The following NOTCH4 variants were observed in gnomAD, a reference collection of about 807,000 sequenced individuals.
The protein encoded by NOTCH4 is notch receptor 4.
Under a neutral mutation model 189.0 loss-of-function variants are expected in NOTCH4, and 138 were observed. The observed-to-expected ratio is 0.73, with a 90% CI of 0.64 to 0.84. NOTCH4 has a LOEUF of 0.84. NOTCH4 is among the 40% of genes least tolerant of loss of function. NOTCH4 has a pLI of 0.00. For missense variants in NOTCH4, 2,286 were observed against 2,605.4 expected, an observed-to-expected ratio of 0.88 and a Z score of 2.67; for synonymous variants, 942 against 1,032.8, an observed-to-expected ratio of 0.91 and a Z score of 1.69.
In NOTCH4 at chr6:32,198,407, G is replaced by A; in HGVS notation, c.4756+14C>T. ...ACTTTTTTTTTTTTTCTTGGTCTGG[G>A]TTGACTCACATACCAGGTCCACGGG... is the stretch of plus-strand genomic sequence containing the variant. On this transcript the variant is annotated intron_variant, in intron 26 of 29. Transcript: ENST00000375023. The surrounding 1 kb of genome is among the most constrained non-coding windows in gnomAD (Gnocchi z 5.5). 2.5e-6 allele frequency: 4 copies of A among 1,601,298 alleles called. No individual in the cohort carries two copies. Among genetic ancestry groups the A allele is most frequent in the Non-Finnish European group, 3.4e-6 (4 of 1,175,878 alleles).
At chr6:32,207,546 C>G (rs1028248947) in intron 18 of NOTCH4, among the ~76,000 whole-genome samples, 4 of 150,978 alleles carry the variant, frequency 2.6e-5, no homozygotes, top group African/African-American at 9.7e-5. Context: ...ATCAGTTGAA[C>G]TTGGGAGGTG....
Position 32,222,751 on chromosome 6 carries a change from C to T in NOTCH4, c.211G>A (p.Ala71Thr), listed in dbSNP as rs376223837. 6.1e-5 allele frequency: 99 copies of T among 1,612,432 alleles called. No individual in the cohort carries two copies. Among genetic ancestry groups the T allele is most frequent in the African/African-American group, 2.5e-4 (19 of 74,896 alleles). ...TCQFPDPCQN[A>T]QLCQNGGSCQ... ...CTGCCTCCATTTTGGCAGAGCTGGG[C>T]GTTCTGGCAGGGGTCAGGAAACTGG... is the stretch of plus-strand genomic sequence containing the variant. Residue 71 changes from alanine to threonine, a missense_variant, in exon 3 of 30, where the codon GCC becomes ACC. Around this residue, in one of 2 missense-constraint regions of NOTCH4, gnomAD observed 1,903 missense variants for 2,261.9 expected, o/e 0.84. Transcript: ENST00000375023.
In NOTCH4 at chr6:32,218,006, A is replaced by G; in HGVS notation, c.1613T>C (p.Ile538Thr). Residue 538 changes from isoleucine (I) to threonine (T), a missense_variant, in exon 9 of 30, where the codon ATC becomes ACC. Around this residue, in one of 2 missense-constraint regions of NOTCH4, gnomAD observed 1,903 missense variants for 2,261.9 expected, o/e 0.84. Coordinates refer to ENST00000375023, the MANE Select transcript of NOTCH4 (RefSeq NM_004557.4). ...GCATCTGTACTCACCAGGCAGGCAGATGCACTGGAAGCCGTTGAGCAGGTC... is the reference window on the plus strand; with the variant it reads ...GCATCTGTACTCACCAGGCAGGCAGGTGCACTGGAAGCCGTTGAGCAGGTC... ...CHDLLNGFQC[I>T]CLPGFSGTRC... is the part of the protein sequence containing the mutation. The G allele has an allele frequency of 1.2e-6, 2 of 1,611,974 alleles. No individual in the cohort carries two copies. The highest frequency in any genetic ancestry group is 8.5e-7 in the Non-Finnish European group (1 of 1,178,122).
intron 18 of NOTCH4, among the ~76,000 whole-genome samples, chr6:32,207,641 A>C (rs1788769632): frequency 7.2e-6 from 1 of 138,650 alleles, no homozygotes; most frequent in Non-Finnish European, 1.6e-5. Flanking sequence ...CCCCCCCCCA[A>C]AAAAAAAGAA....
At position 32,216,957 on chromosome 6, in the gene NOTCH4, AG is replaced by A; in HGVS notation, c.1848del (p.Ser617LeufsTer76). 6.2e-7 allele frequency: 1 copy of A among 1,613,144 alleles called. No individual in the cohort carries two copies. Among genetic ancestry groups the A allele is most frequent in the Non-Finnish European group, 8.5e-7 (1 of 1,180,042 alleles). On this transcript the variant is annotated frameshift_variant, in exon 11 of 30. Transcript: ENST00000375023. LOFTEE classifies it high-confidence loss of function. ...CTCCCCTGTGAACCTGTGAAACCAG[AG>A]GGGCAGAGGCAAAAGAAGGCTCCTG... is the stretch of plus-strand genomic sequence containing the variant. ...DLPGAFFCLC[P>X]SGFTGQLCEV... is the part of the protein sequence containing the mutation.
rs1328794678 is a variant in NOTCH4, at chr6:32,198,169, T to TTG, written c.4756+250_4756+251dup. On this transcript the variant is annotated intron_variant, in intron 26 of 29. Coordinates refer to ENST00000375023, the MANE Select transcript of NOTCH4 (RefSeq NM_004557.4). The surrounding 1 kb of genome is among the most constrained non-coding windows in gnomAD (Gnocchi z 5.5). ...TCTGGATCAGATTCACCTGAAGGGC[T>TTG]TGTTAAAACAGATTGCCTAACATTT... Among the ~76,000 whole-genome samples the TTG allele has an allele frequency of 6.6e-6, 1 of 152,240 alleles. No homozygotes were observed. The highest frequency in any genetic ancestry group is 2.4e-5 in the African/African-American group (1 of 41,470).
chr6:32,196,323 C>T lies in NOTCH4; in HGVS notation c.5298+1G>A. The T allele has an allele frequency of 1.9e-6, 3 of 1,613,146 alleles. No individual in the cohort carries two copies. The highest frequency in any genetic ancestry group is 2.5e-6 in the Non-Finnish European group (3 of 1,180,042). ...GTGGGAAGCCCTCTGTCCCATCTAACCCTGTTGTCCTGGGCATCTTTATCG... is the reference window on the plus strand; with the variant it reads ...GTGGGAAGCCCTCTGTCCCATCTAATCCTGTTGTCCTGGGCATCTTTATCG... On this transcript the variant is annotated splice_donor_variant, in intron 29 of 29. Coordinates refer to ENST00000375023, the MANE Select transcript of NOTCH4 (RefSeq NM_004557.4). LOFTEE classifies it high-confidence loss of function.
In NOTCH4 at chr6:32,216,935, C is replaced by A; in HGVS notation, c.1861+10G>T. 6.2e-7 allele frequency: 1 copy of A among 1,613,110 alleles called. No individual in the cohort carries two copies. The highest frequency in any genetic ancestry group is 8.5e-7 in the Non-Finnish European group (1 of 1,180,022). ...TTCTGCCAGTTCTTTCCAGTGCCTC[C>A]CCTGTGAACCTGTGAAACCAGAGGG... On this transcript the variant is annotated intron_variant, in intron 11 of 29. Coordinates refer to ENST00000375023, the MANE Select transcript of NOTCH4 (RefSeq NM_004557.4).
intron 14 of NOTCH4, 62 bp downstream of exon 14, chr6:32,213,626 T>TA: frequency 6.4e-7 from 1 of 1,555,620 alleles, no homozygotes; most frequent in Non-Finnish European, 8.7e-7. Context: ...GACACAAGCA[T>TA]ACCCTCCTTA....
At position 32,195,592 on chromosome 6, in the gene NOTCH4, A is replaced by C. The variant is rs1314841244; in HGVS notation, c.5857T>G (p.Trp1953Gly). The change falls in exon 30 of 30, where the codon TGG becomes GGG. Residue 1953 changes from tryptophan to glycine, a missense_variant. Transcript: ENST00000375023. The surrounding 1 kb of genome is among the most constrained non-coding windows in gnomAD (Gnocchi z 5.4). ...GAACCGCAAGCTCCCAGGGCCACCC[A>C]ATCACAGGGCCAGTCATCCGTTGAG... The part of the protein sequence containing the change: ...RVSTDDWPCD[W>G]VALGACGSAS... 6.2e-7 allele frequency: 1 copy of C among 1,613,116 alleles called. No homozygotes were observed. Among genetic ancestry groups the C allele is most frequent in the Non-Finnish European group, 8.5e-7 (1 of 1,180,026 alleles).
At chr6:32,216,211 T>C (rs1300581866) in intron 11 of NOTCH4, 1 of 152,436 alleles carries the variant, frequency 6.6e-6, no homozygotes, top group Non-Finnish European at 1.5e-5. Flanking sequence ...TATTTTTAGT[T>C]GAGATGGGGT....
intron 8 of NOTCH4, 34 bp downstream of exon 8, chr6:32,219,558 G>A: frequency 6.3e-7 from 1 of 1,596,480 alleles, no homozygotes; most frequent in South Asian, 1.1e-5. Flanking sequence ...CTAGTTCCCT[G>A]TTTTCCCCAC....
In NOTCH4 at chr6:32,212,514, G is replaced by T. The variant is rs575461956; in HGVS notation, c.2640C>A (p.Asn880Lys). The change falls in exon 17 of 30, where the codon AAC (asparagine) becomes AAA (lysine). Residue 880 changes from asparagine (N) to lysine (K), a missense_variant. By Grantham distance (94) the Asn-to-Lys change is moderately conservative (BLOSUM62 0). This residue lies in a region of NOTCH4 where 1,903 missense variants were observed against 2,261.9 expected (regional missense o/e 0.84). Coordinates refer to ENST00000375023, the MANE Select transcript of NOTCH4 (RefSeq NM_004557.4). The surrounding 1 kb of genome is among the most constrained non-coding windows in gnomAD (Gnocchi z 4.4). ...CCTTCTGGCAGGAGGACAGTGGAAG[G>T]TTGCAGAGAGGCCCGGTCCATCCCT... is the stretch of plus-strand genomic sequence containing the variant. ...CLQGWTGPLC[N>K]LPLSSCQKAA... 2 of 1,613,086 alleles carry T rather than the reference G, an allele frequency of 1.2e-6. No individual in the cohort carries two copies. The highest frequency in any genetic ancestry group is 2.7e-5 in the African/African-American group (2 of 75,030).
chr6:32,212,506 A>G lies in NOTCH4; in HGVS notation c.2648T>C (p.Leu883Pro). Residue 883 changes from leucine (L) to proline (P), a missense_variant, in exon 17 of 30, where the codon CTG becomes CCG. Physicochemically the swap from Leu to Pro is moderately conservative, Grantham distance 98 (BLOSUM62 -3). Transcript: ENST00000375023. This position sits in a 1 kb window ranked among gnomAD's most constrained non-coding sequence, Gnocchi z 4.4. ...GWTGPLCNLPLSSCQKAALSQ... is the reference protein window; with the variant it reads ...GWTGPLCNLPPSSCQKAALSQ... Reference sequence around the variant, plus strand: ...CAGTGCAGCCTTCTGGCAGGAGGACAGTGGAAGGTTGCAGAGAGGCCCGGT... The same window carrying G: ...CAGTGCAGCCTTCTGGCAGGAGGACGGTGGAAGGTTGCAGAGAGGCCCGGT... 1 of 1,612,726 alleles carries G rather than the reference A, an allele frequency of 6.2e-7. No homozygotes were observed.
At position 32,220,188 on chromosome 6, in the gene NOTCH4, A is replaced by G. The variant is rs1306335236; in HGVS notation, c.1256T>C (p.Leu419Pro). ...GGGCCCCGAATAGCCAGGCTGACAC[A>G]GGCAGAGTGTGGAGCCTGTGAGGGG... ...TNPLTGSTLC[L>P]CQPGYSGPTC... The change falls in exon 7 of 30, where the codon CTG becomes CCG. Residue 419 changes from leucine (L) to proline (P), a missense_variant. Coordinates refer to ENST00000375023, the MANE Select transcript of NOTCH4 (RefSeq NM_004557.4). 6.2e-7 allele frequency: 1 copy of G among 1,614,002 alleles called. No homozygotes were observed.
rs1317413244 is a variant in NOTCH4, at chr6:32,220,599, C to T, written c.965G>A (p.Gly322Asp). The T allele has an allele frequency of 2.5e-6, 4 of 1,613,624 alleles. No homozygotes were observed. The Admixed American group carries it at 5.0e-5, about 20-fold the overall frequency. The change falls in exon 6 of 30, where the codon GGT (glycine) becomes GAT (aspartate). Residue 322 changes from glycine (G) to aspartate (D), a missense_variant. Gly to Asp is a moderately conservative substitution (Grantham distance 94). Coordinates refer to ENST00000375023, the MANE Select transcript of NOTCH4 (RefSeq NM_004557.4). ...GCCCCCGTTTCTGCAGTGAGGGGGA[C>T]CCTGGGTCTCACACTCATCCACATC... is the stretch of plus-strand genomic sequence containing the variant. ...SEDVDECETQ[G>D]PPHCRNGGTC...
chr6:32,195,771 G>GC lies in NOTCH4; in HGVS notation c.5677dup (p.Ala1893GlyfsTer23), dbSNP rs757904966. 6.2e-7 allele frequency: 1 copy of GC among 1,609,466 alleles called. No homozygotes were observed. Among genetic ancestry groups the GC allele is most frequent in the Non-Finnish European group, 8.5e-7 (1 of 1,179,674 alleles). The stretch of plus-strand genomic sequence containing the variant: ...CGAGAGGCTCCGGCAATGAGAATAG[G>GC]CCCCGCCCCCCCGCGCAGCCAAGTC... On this transcript the variant is annotated frameshift_variant, in exon 30 of 30. Coordinates refer to ENST00000375023, the MANE Select transcript of NOTCH4 (RefSeq NM_004557.4). LOFTEE classifies it low-confidence loss of function (END_TRUNC). The surrounding 1 kb of genome is among the most constrained non-coding windows in gnomAD (Gnocchi z 5.4).
intron 17 of NOTCH4, among the ~76,000 whole-genome samples, chr6:32,211,594 AAAATAAATAAATAAATAAATAAATAAAT>A (rs55792395): frequency 1.5e-5 from 2 of 137,174 alleles, no homozygotes; most frequent in Non-Finnish European, 3.1e-5. Flanking sequence ...CTCCATCTCA[AAAATAAATAAATAAATAAATAAATAAAT>A]AAATAAATAA....
At chr6:32,216,332 T>A (rs1789405980) in intron 11 of NOTCH4, 1 of 155,778 alleles carries the variant, frequency 6.4e-6, no homozygotes, top group Non-Finnish European at 1.4e-5. Context: ...TTCACCATGT[T>A]GGCCAGGCTG....
Sources: gnomAD v4.1 joint callset for allele counts (sites outside exome capture counted in the v4.1 genomes callset) on GRCh38, gnomAD v4.1.1 for gene constraint, gnomAD v4.1.1 regional missense constraint, Gnocchi (gnomAD v3.1) non-coding constraint, MANE v1.5 for transcripts, NCBI Gene and HGNC (gene_info 2026-07-23, HGNC 2026-07-21) for gene names.